Variants in COL25A1 observed in about 807,000 individuals in gnomAD.
The protein encoded by COL25A1 is collagen alpha-1(XXV) chain.
Under a neutral mutation model 128.4 loss-of-function variants are expected in COL25A1, and 103 were observed. That is an observed-to-expected ratio of 0.80 (90% CI 0.68 to 0.94). The LOEUF (loss-of-function observed/expected upper bound fraction) is 0.94, where lower values mean the gene tolerates loss of function less well. Among genes scored for constraint, COL25A1 ranks in the 40% least tolerant of loss-of-function variants. The probability of loss-of-function intolerance (pLI) is 0.00; values close to 1 mark genes in which losing one functional copy is unlikely to be tolerated. For synonymous variants in COL25A1, 279 were observed against 277.2 expected (o/e 1.01, Z -0.06); for missense variants, 745 against 840.0 (o/e 0.89, Z 1.40).
At chr4:108,909,684 C>A (rs2125880853) in intron 13 of COL25A1, among the ~76,000 whole-genome samples, 1 of 152,244 alleles carries the variant, frequency 6.6e-6, no homozygotes, top group East Asian at 1.9e-4. Flanking sequence ...CGAAAGATAG[C>A]TAAATTGACT....
chr4:108,819,815 C>T (rs978511014), intron 35 of COL25A1: 24 of 1,229,106 alleles, frequency 2.0e-5, no homozygotes, highest in African/African-American at 1.6e-5. Context: ...GACATACCAA[C>T]GGGCAGGGTG....
At chr4:109,079,635 T>C (rs1420357202) in intron 3 of COL25A1, among the ~76,000 whole-genome samples, 1 of 152,072 alleles carries the variant, frequency 6.6e-6, no homozygotes. Context: ...TTCTGGCTTA[T>C]AGGAGGCAGC....
intron 8 of COL25A1, among the ~76,000 whole-genome samples, chr4:108,960,503 G>A (rs1047287642): frequency 1.1e-4 from 16 of 152,046 alleles, no homozygotes; most frequent in African/African-American, 3.9e-4. Context: ...TGTTCTCAAA[G>A]CACAGTTCAG....
At chr4:109,242,317 C>T (rs895754224) in intron 3 of COL25A1, among the ~76,000 whole-genome samples, 1 of 152,162 alleles carries the variant, frequency 6.6e-6, no homozygotes, top group African/African-American at 2.4e-5. Flanking sequence ...TTTTTAAAGG[C>T]AAATACTAAC....
chr4:108,834,795 G>A lies in COL25A1; in HGVS notation c.1657-2362C>T, dbSNP rs116241325. Among the ~76,000 whole-genome samples the A allele has an allele frequency of 3.1e-3, 469 of 152,198 alleles. 3 individuals carry two copies. The highest frequency in any genetic ancestry group is 5.6e-3 in the Non-Finnish European group (380 of 68,016). ...AAGAACGGTAATTTCCTAAAAAAGC[G>A]CTCATTATAATAATCAATCAAATTT... On this transcript the variant is annotated intron_variant, in intron 31 of 37. Transcript: ENST00000399132.
At position 108,988,256 on chromosome 4, in the gene COL25A1, T is replaced by C. The variant is rs529464106; in HGVS notation, c.439-13697A>G. On this transcript the variant is annotated intron_variant, in intron 6 of 37. Transcript: ENST00000399132. ...CTCAAATGTGTAGCTTTGTGCCTTATACATGGTAAATATCCAATAAATACA... is the reference window on the plus strand; with the variant it reads ...CTCAAATGTGTAGCTTTGTGCCTTACACATGGTAAATATCCAATAAATACA... 5.9e-5 allele frequency among the ~76,000 whole-genome samples: 9 copies of C among 152,356 alleles called. No homozygotes were observed. The South Asian group carries it at 1.2e-3, about 21-fold the overall frequency.
At chr4:108,911,488 T>C (rs3903555) in intron 13 of COL25A1, among the ~76,000 whole-genome samples, 1 of 151,798 alleles carries the variant, frequency 6.6e-6, no homozygotes, top group African/African-American at 2.4e-5. Context: ...TTAATCCCCC[T>C]ACTACCCATT....
At chr4:109,278,103 C>G (rs1723023198) in intron 3 of COL25A1, among the ~76,000 whole-genome samples, 1 of 151,928 alleles carries the variant, frequency 6.6e-6, no homozygotes, top group African/African-American at 2.4e-5. Flanking sequence ...CCACTGCACT[C>G]CAGCCTGGGC....
At chr4:109,238,002 T>C (rs1207755945) in intron 3 of COL25A1, among the ~76,000 whole-genome samples, 1 of 152,242 alleles carries the variant, frequency 6.6e-6, no homozygotes, top group Non-Finnish European at 1.5e-5. Context: ...ATATCTTTTC[T>C]TTTTTAAGCC....
chr4:108,949,035 T>G (rs191182068), intron 8 of COL25A1, among the ~76,000 whole-genome samples: 243 of 152,220 alleles, frequency 1.6e-3, no homozygotes, highest in South Asian at 3.3e-3. Flanking sequence ...TGAGACCCCA[T>G]GAAAAGAGGT....
At chr4:109,032,005 C>T (rs1014924961) in intron 5 of COL25A1, among the ~76,000 whole-genome samples, 3 of 152,114 alleles carry the variant, frequency 2.0e-5, no homozygotes, top group African/African-American at 7.2e-5. Context: ...TAGCTTATCT[C>T]TTCTATTAAA....
chr4:108,850,697 G>A (rs1029042846), intron 26 of COL25A1, among the ~76,000 whole-genome samples: 1 of 151,986 alleles, frequency 6.6e-6, no homozygotes, highest in African/African-American at 2.4e-5. Context: ...CCCTCCCTAG[G>A]CCATAAGCCC....
At chr4:109,255,656 C>G (rs1018776372) in intron 3 of COL25A1, among the ~76,000 whole-genome samples, 4 of 152,170 alleles carry the variant, frequency 2.6e-5, no homozygotes, top group African/African-American at 9.7e-5. Flanking sequence ...TTTCCCTTTT[C>G]TAGTTTTCCC....
chr4:108,951,760 CAGATGTA>C (rs59919868), intron 8 of COL25A1, among the ~76,000 whole-genome samples: 1,706 of 152,288 alleles, frequency 0.011, 17 homozygotes, highest in Middle Eastern at 0.044. Context: ...CTTACTTGAA[CAGATGTA>C]AGGCTATTTA....
intron 3 of COL25A1, among the ~76,000 whole-genome samples, chr4:109,278,824 G>C (rs1723089851): frequency 1.3e-5 from 2 of 152,124 alleles, no homozygotes; most frequent in African/African-American, 4.8e-5. Context: ...TCAAAAACTA[G>C]GTAGCTTATA....
chr4:109,110,814 G>A (rs546882696), intron 3 of COL25A1, among the ~76,000 whole-genome samples: 1 of 152,130 alleles, frequency 6.6e-6, no homozygotes, highest in Non-Finnish European at 1.5e-5. Flanking sequence ...CAGTTCTGGA[G>A]AACATATATT....
intron 8 of COL25A1, among the ~76,000 whole-genome samples, chr4:108,968,605 A>G (rs1240009254): frequency 2.0e-5 from 3 of 151,328 alleles, no homozygotes; most frequent in Non-Finnish European, 4.4e-5. Flanking sequence ...AAGTGTGAGT[A>G]TTTTTAAAGA....
chr4:109,043,970 T>C (rs755656786), intron 5 of COL25A1, among the ~76,000 whole-genome samples: 5 of 150,618 alleles, frequency 3.3e-5, no homozygotes, highest in Non-Finnish European at 7.4e-5. Flanking sequence ...TTCTAATATG[T>C]GTTACCTTTA....
chr4:109,147,889 A>G (rs1771106512), intron 3 of COL25A1, among the ~76,000 whole-genome samples: 1 of 152,036 alleles, frequency 6.6e-6, no homozygotes, highest in Non-Finnish European at 1.5e-5. Flanking sequence ...TGCCTGTATG[A>G]ATGGAGTGCT....
Sources: allele counts gnomAD v4.1 joint callset (sites outside exome capture counted in the v4.1 genomes callset), GRCh38; gene constraint gnomAD v4.1.1; transcripts MANE v1.5; gene names NCBI Gene and HGNC (gene_info 2026-07-23, HGNC 2026-07-21).